FNDC1: variants seen among roughly 807,000 people sequenced by gnomAD.
FNDC1 encodes fibronectin type III domain containing 1, also known as fibronectin type III domain-containing protein 1.
Under a neutral mutation model 168.0 loss-of-function variants are expected in FNDC1, and 96 were observed. The observed-to-expected ratio is 0.57, with a 90% confidence interval of 0.48 to 0.68. The LOEUF (loss-of-function observed/expected upper bound fraction) is 0.68. FNDC1 is among the 30% of genes least tolerant of loss of function. The probability of loss-of-function intolerance (pLI) is 0.00; values close to 1 mark genes in which losing one functional copy is unlikely to be tolerated. For missense variants in FNDC1, 2,587 were observed against 2,482.1 expected (o/e 1.04, Z -0.90); for synonymous variants, 1,099 against 1,025.9 (o/e 1.07, Z -1.36).
intron 22 of FNDC1, among the ~76,000 whole-genome samples, chr6:159,269,069 TATCTATCTATCTATCTATCTATC>T (rs1777656320): frequency 4.4e-5 from 1 of 22,856 alleles, no homozygotes; most frequent in Non-Finnish European, 1.9e-4. Flanking sequence ...TCTATCTATC[TATCTATCTATCTATCTATCTATC>T]TATCTATCCA....
chr6:159,251,331 C>A lies in FNDC1; in HGVS notation c.4864C>A (p.Pro1622Thr), dbSNP rs377394127. 2.5e-6 allele frequency: 4 copies of A among 1,613,736 alleles called. No individual in the cohort carries two copies. The change falls in exon 17 of 23, where the codon CCA (proline) becomes ACA (threonine). Residue 1622 changes from proline to threonine, a missense_variant. Coordinates refer to ENST00000297267, the MANE Select transcript of FNDC1 (RefSeq NM_032532.3). ...TTACGTGACGTACCTAAATAAAGAC[C>A]CATCAGCCCCGTGCTCTCTGACTGA... is the stretch of plus-strand genomic sequence containing the variant. Reference protein sequence around the residue: ...APYVTYLNKDPSAPCSLTDAL... With the variant: ...APYVTYLNKDTSAPCSLTDAL...
At chr6:159,260,305 T>G (rs1583919950) in intron 18 of FNDC1, among the ~76,000 whole-genome samples, 1 of 152,234 alleles carries the variant, frequency 6.6e-6, no homozygotes, top group African/African-American at 2.4e-5. Flanking sequence ...TGTTGGTCTT[T>G]ATTACTTCTC....
chr6:159,269,252 T>C (rs1777667088), intron 22 of FNDC1, among the ~76,000 whole-genome samples: 5 of 118,814 alleles, frequency 4.2e-5, no homozygotes, highest in African/African-American at 2.1e-4. Flanking sequence ...TATCTATCCA[T>C]CTATCATCTA....
chr6:159,258,488 C>G (rs903559152), intron 18 of FNDC1, among the ~76,000 whole-genome samples: 2 of 152,080 alleles, frequency 1.3e-5, no homozygotes, highest in Admixed American at 1.3e-4. Flanking sequence ...GGCTGTGCTC[C>G]CAGCAGAGAG....
Position 159,233,389 on chromosome 6 carries a change from C to T in FNDC1, c.2877C>T (p.Asp959=), listed in dbSNP as rs759075487. The T allele has an allele frequency of 6.2e-7, 1 of 1,613,502 alleles. No individual in the cohort carries two copies. The highest frequency in any genetic ancestry group is 8.5e-7 in the Non-Finnish European group (1 of 1,179,794). The change falls in exon 11 of 23, where the codon GAC becomes GAT. Residue 959 remains aspartate (D), a synonymous_variant. Coordinates refer to ENST00000297267, the MANE Select transcript of FNDC1 (RefSeq NM_032532.3). This position sits in a 1 kb window ranked among gnomAD's most constrained non-coding sequence, Gnocchi z 4.6. ...AQDVQQSTDA[D]TEGHSPKAQP... ...ATGTTCAACAGAGCACAGACGCGGA[C>T]ACGGAGGGTCATTCTCCCAAAGCAC...
chr6:159,189,064 C>T (rs1782072560), intron 1 of FNDC1, among the ~76,000 whole-genome samples: 1 of 152,162 alleles, frequency 6.6e-6, no homozygotes, highest in Non-Finnish European at 1.5e-5. Context: ...TTTTTATTTT[C>T]ATAGAAGATC....
chr6:159,244,590 G>T (rs1783500358), intron 14 of FNDC1, among the ~76,000 whole-genome samples: 1 of 152,200 alleles, frequency 6.6e-6, no homozygotes, highest in Admixed American at 6.5e-5. Context: ...GGCTAAAAAG[G>T]CTGGTAGAAT....
chr6:159,231,836 T>C (rs1210881732), intron 10 of FNDC1, 46 bp from the exon 11 acceptor site: 5 of 1,522,288 alleles, frequency 3.3e-6, no homozygotes, highest in Non-Finnish European at 4.4e-6. Context: ...CCGCTTTCGC[T>C]TTTGAGTTTC....
chr6:159,244,114 T>C (rs530409180), intron 14 of FNDC1, among the ~76,000 whole-genome samples: 15 of 152,278 alleles, frequency 9.9e-5, no homozygotes, highest in South Asian at 4.1e-4. Flanking sequence ...TGAAAAGAAA[T>C]GACACTGAAC....
intron 1 of FNDC1, among the ~76,000 whole-genome samples, chr6:159,172,675 G>A (rs1162288667): frequency 6.6e-6 from 1 of 152,208 alleles, no homozygotes; most frequent in Middle Eastern, 3.2e-3. Context: ...TCTGTTCAAA[G>A]TGCATGATAG....
At chr6:159,191,734 A>T (rs1782145368) in intron 1 of FNDC1, among the ~76,000 whole-genome samples, 1 of 152,138 alleles carries the variant, frequency 6.6e-6, no homozygotes, top group Non-Finnish European at 1.5e-5. Flanking sequence ...TTGAATGCTG[A>T]CTCTGAGCCA....
chr6:159,265,963 C>A (rs1313871531), intron 20 of FNDC1, 121 bp from the exon 21 acceptor site: 1 of 1,030,836 alleles, frequency 9.7e-7, no homozygotes, highest in African/African-American at 1.6e-5. Context: ...AACAAACAAA[C>A]AAACAAAAAG....
chr6:159,224,439 AGG>A (rs1782908612), intron 7 of FNDC1, among the ~76,000 whole-genome samples: 1 of 152,228 alleles, frequency 6.6e-6, no homozygotes, highest in African/African-American at 2.4e-5. Flanking sequence ...CAACCAAGAA[AGG>A]GGAATATAGT....
At chr6:159,183,021 A>G (rs1304541292) in intron 1 of FNDC1, among the ~76,000 whole-genome samples, 1 of 152,204 alleles carries the variant, frequency 6.6e-6, no homozygotes, top group Non-Finnish European at 1.5e-5. Context: ...AGGCTGGGTC[A>G]TTTTGTACCA....
intron 14 of FNDC1, among the ~76,000 whole-genome samples, chr6:159,242,376 T>G (rs1783442409): frequency 1.3e-5 from 2 of 152,250 alleles, no homozygotes; most frequent in Admixed American, 1.3e-4. Context: ...AAATAGCTAA[T>G]GCATGCAGGG....
intron 4 of FNDC1, among the ~76,000 whole-genome samples, chr6:159,203,450 A>T (rs141974602): frequency 6.6e-6 from 1 of 152,268 alleles, no homozygotes; most frequent in East Asian, 1.9e-4. Flanking sequence ...GCAAGACTTA[A>T]GCAATTCCCA....
At chr6:159,218,011 A>G (rs1000194046) in intron 5 of FNDC1, among the ~76,000 whole-genome samples, 1 of 152,166 alleles carries the variant, frequency 6.6e-6, no homozygotes, top group African/African-American at 2.4e-5. Context: ...ATGCGGGCCA[A>G]ATTCTGCCCG....
intron 18 of FNDC1, among the ~76,000 whole-genome samples, chr6:159,260,294 G>A (rs775789274): frequency 4.6e-5 from 7 of 152,200 alleles, no homozygotes; most frequent in Non-Finnish European, 1.0e-4. Flanking sequence ...CACAAATGTG[G>A]TGTTGGTCTT....
rs752609531 is a variant in FNDC1, at chr6:159,223,562, C to T, written c.801C>T (p.Ser267=). Residue 267 remains serine (S), a synonymous_variant, in exon 7 of 23, where the codon AGC becomes AGT. Transcript: ENST00000297267. ...AATTGGATGTACCTGACGACATCAG[C>T]GTCCGGGTTATGTCATCTCAGTCTG... The part of the protein sequence containing the change: ...EDELDVPDDI[S]VRVMSSQSVL... 9.9e-6 allele frequency: 16 copies of T among 1,613,586 alleles called. No individual in the cohort carries two copies. The highest frequency in any genetic ancestry group is 6.6e-5 in the South Asian group (6 of 91,034).
Sources: gnomAD v4.1 joint callset for allele counts (sites outside exome capture counted in the v4.1 genomes callset) on GRCh38, gnomAD v4.1.1 for gene constraint, Gnocchi (gnomAD v3.1) non-coding constraint, MANE v1.5 for transcripts, NCBI Gene and HGNC (gene_info 2026-07-23, HGNC 2026-07-21) for gene names.